The following ADAMTS19 variants were observed in gnomAD, a reference collection of about 807,000 sequenced individuals.
The protein encoded by ADAMTS19 is A disintegrin and metalloproteinase with thrombospondin motifs 19.
A neutral mutation model predicts 153.3 loss-of-function variants in ADAMTS19; 93 were observed. That is an observed-to-expected ratio of 0.61 (90% CI 0.51 to 0.72). The LOEUF (loss-of-function observed/expected upper bound fraction) is 0.72, where lower values mean the gene tolerates loss of function less well. Ranked by LOEUF, ADAMTS19 falls within the 30% of genes least tolerant of loss-of-function variation. The probability of loss-of-function intolerance (pLI) is 0.00; values close to 1 mark genes in which losing one functional copy is unlikely to be tolerated. For synonymous variants in ADAMTS19, 600 were observed against 556.6 expected (o/e 1.08, Z -1.10); for missense variants, 1,482 against 1,552.1 (o/e 0.95, Z 0.76).
At chr5:129,564,228 ATATTG>A (rs1241763251) in intron 7 of ADAMTS19, among the ~76,000 whole-genome samples, 1 of 152,180 alleles carries the variant, frequency 6.6e-6, no homozygotes, top group African/African-American at 2.4e-5. Flanking sequence ...CCTGAATGAT[ATATTG>A]ACTTTGGCCT....
intron 2 of ADAMTS19, among the ~76,000 whole-genome samples, chr5:129,464,023 G>T (rs886436108): frequency 6.6e-6 from 1 of 152,166 alleles, no homozygotes; most frequent in African/African-American, 2.4e-5. Context: ...CAAAGCAGAA[G>T]AAGTTGAACT....
chr5:129,471,800 G>A (rs767758610), intron 2 of ADAMTS19, among the ~76,000 whole-genome samples: 13 of 152,178 alleles, frequency 8.5e-5, no homozygotes, highest in Non-Finnish European at 1.6e-4. Flanking sequence ...GTGAGAACAT[G>A]TGGTTTTTGA....
intron 2 of ADAMTS19, among the ~76,000 whole-genome samples, chr5:129,499,835 C>A (rs1288592973): frequency 6.6e-6 from 1 of 152,154 alleles, no homozygotes; most frequent in East Asian, 1.9e-4. Context: ...CACATTCCCA[C>A]TTCCCATACA....
chr5:129,647,387 T>C (rs994182044), intron 11 of ADAMTS19, among the ~76,000 whole-genome samples: 6 of 152,180 alleles, frequency 3.9e-5, no homozygotes, highest in African/African-American at 7.2e-5. Context: ...TCCATTCTTA[T>C]ATATTACTCT....
chr5:129,686,303 T>C (rs890751618), intron 18 of ADAMTS19, among the ~76,000 whole-genome samples: 7 of 151,808 alleles, frequency 4.6e-5, no homozygotes, highest in Non-Finnish European at 1.0e-4. Context: ...TTAGGTGCAA[T>C]AGGAGGAATA....
At chr5:129,548,109 G>C (rs1752929415) in intron 6 of ADAMTS19, among the ~76,000 whole-genome samples, 2 of 150,570 alleles carry the variant, frequency 1.3e-5, no homozygotes, top group Non-Finnish European at 2.9e-5. Flanking sequence ...CAGGACATAG[G>C]CATGGGCAAA....
intron 18 of ADAMTS19, among the ~76,000 whole-genome samples, chr5:129,684,632 C>A (rs1340462291): frequency 6.6e-6 from 1 of 152,190 alleles, no homozygotes; most frequent in Non-Finnish European, 1.5e-5. Flanking sequence ...TCTATGAAAT[C>A]TTAAAAGTTC....
intron 14 of ADAMTS19, among the ~76,000 whole-genome samples, chr5:129,657,015 C>T (rs1269643549): frequency 6.6e-6 from 1 of 152,182 alleles, no homozygotes; most frequent in African/African-American, 2.4e-5. Flanking sequence ...TCCAGGACTC[C>T]CAGGTCAGGC....
intron 2 of ADAMTS19, among the ~76,000 whole-genome samples, chr5:129,468,186 A>G (rs933240902): frequency 1.3e-5 from 2 of 152,192 alleles, no homozygotes; most frequent in African/African-American, 4.8e-5. Flanking sequence ...GGGCATGAGT[A>G]TTGGTAATTC....
intron 11 of ADAMTS19, among the ~76,000 whole-genome samples, chr5:129,646,091 T>C (rs1281527785): frequency 4.0e-5 from 6 of 150,600 alleles, no homozygotes; most frequent in Non-Finnish European, 7.4e-5. Flanking sequence ...GGTTTCACTG[T>C]TTTAGCCGGG....
In ADAMTS19 at chr5:129,620,515, A is replaced by G. The variant is rs371712496; in HGVS notation, c.1479-103A>G. ...TTTCCTTAAAACAAATTTGGCCCCC[A>G]GTATTTTAAGTATTTTAACCGTTAT... On this transcript the variant is annotated intron_variant, in intron 8 of 22. Transcript: ENST00000274487. The G allele has an allele frequency of 7.4e-6, 6 of 811,530 alleles. No homozygotes were observed. In the East Asian group the frequency reaches 1.4e-4, roughly 18 times the overall value. 50.3% of individuals were successfully genotyped at this position (811,530 alleles called of 1,614,324 possible).
intron 6 of ADAMTS19, among the ~76,000 whole-genome samples, chr5:129,538,927 T>C (rs1752556991): frequency 6.6e-6 from 1 of 152,300 alleles, no homozygotes; most frequent in Non-Finnish European, 1.5e-5. Context: ...AGTGTTTACA[T>C]AGTAAATTAA....
chr5:129,694,860 C>A lies in ADAMTS19; in HGVS notation c.2954+5C>A. ...TGAGCAACCATGTCAAACAAGGTAA[C>A]TCTATTCCAAGGGCCCTTAAAGCAT... On this transcript the variant is annotated splice_donor_5th_base_variant and intron_variant, in intron 19 of 22. Transcript: ENST00000274487. 6.3e-7 allele frequency: 1 copy of A among 1,576,266 alleles called. No individual in the cohort carries two copies. Among genetic ancestry groups the A allele is most frequent in the Non-Finnish European group, 8.6e-7 (1 of 1,160,258 alleles).
chr5:129,699,475 G>T (rs1486879975), intron 19 of ADAMTS19, among the ~76,000 whole-genome samples: 1 of 149,178 alleles, frequency 6.7e-6, no homozygotes, highest in Non-Finnish European at 1.5e-5. Flanking sequence ...TTATGTAAAA[G>T]TGTTATGGAT....
chr5:129,559,916 T>C (rs2126839379), intron 7 of ADAMTS19, among the ~76,000 whole-genome samples: 1 of 152,278 alleles, frequency 6.6e-6, no homozygotes, highest in South Asian at 2.1e-4. Flanking sequence ...TTTTTATTAG[T>C]TCTTCATTCT....
chr5:129,690,764 A>G (rs1478668324), intron 18 of ADAMTS19, among the ~76,000 whole-genome samples: 2 of 152,102 alleles, frequency 1.3e-5, no homozygotes, highest in African/African-American at 4.8e-5. Flanking sequence ...TTTGGTTCTC[A>G]TGCTTACTGG....
chr5:129,712,694 A>G (rs895708641), intron 21 of ADAMTS19, among the ~76,000 whole-genome samples: 5 of 152,166 alleles, frequency 3.3e-5, no homozygotes, highest in Non-Finnish European at 7.4e-5. Context: ...GGATTGCTGA[A>G]AACAGTCAAG....
At chr5:129,554,416 A>G (rs6859907) in intron 7 of ADAMTS19, among the ~76,000 whole-genome samples, 127,069 of 152,006 alleles carry the variant, frequency 0.84, 53,360 homozygotes, top group Non-Finnish European at 0.88. Context: ...CCATTGCCCT[A>G]GTTGAGACAT....
chr5:129,728,593 T>C (rs1757308181), intron 21 of ADAMTS19, among the ~76,000 whole-genome samples: 1 of 152,116 alleles, frequency 6.6e-6, no homozygotes, highest in South Asian at 2.1e-4. Flanking sequence ...AACAGTACTA[T>C]TGGTTTCCTT....
Sources: gnomAD v4.1 joint callset for allele counts (sites outside exome capture counted in the v4.1 genomes callset) on GRCh38, gnomAD v4.1.1 for gene constraint, MANE v1.5 for transcripts, NCBI Gene and HGNC (gene_info 2026-07-23, HGNC 2026-07-21) for gene names.